Variants in ERGIC3 observed in about 807,000 individuals in gnomAD.
ERGIC3 encodes ERGIC and golgi 3.
Under a neutral mutation model 54.7 loss-of-function variants are expected in ERGIC3, and 33 were observed. That is an observed-to-expected ratio of 0.60 (90% confidence interval 0.46 to 0.81). The LOEUF (loss-of-function observed/expected upper bound fraction) is 0.81. Among genes scored for constraint, ERGIC3 ranks in the 30% least tolerant of loss-of-function variants. The pLI is 0.00. For synonymous variants in ERGIC3, 186 were observed against 189.8 expected (o/e 0.98, Z 0.16); for missense variants, 399 against 488.4 (o/e 0.82, Z 1.73).
intron 7 of ERGIC3, chr20:35,549,691 C>T (rs1323523880): frequency 1.2e-5 from 2 of 161,574 alleles, no homozygotes; most frequent in Admixed American, 6.2e-5. Context: ...GGCTGGAGTG[C>T]AGTGGCATGA....
rs749626853 is a variant in ERGIC3 at position 35,557,409 on chromosome 20, C to G, written c.1073-16C>G. On this transcript the variant is annotated splice_polypyrimidine_tract_variant and intron_variant, in intron 12 of 12. Coordinates refer to ENST00000348547, the MANE Select transcript of ERGIC3 (RefSeq NM_015966.3). ...GGCCCCCACTGGGCCAGTGCCAGCC[C>G]TTGTCTCTCTCCCAGTGGCTGGACT... 1.9e-6 allele frequency: 3 copies of G among 1,613,670 alleles called. No homozygotes were observed. The highest frequency in any genetic ancestry group is 2.7e-5 in the African/African-American group (2 of 75,050).
Position 35,547,422 on chromosome 20 carries a change from A to T in ERGIC3, c.378A>T (p.Lys126Asn). Residue 126 changes from lysine to asparagine, a missense_variant, in exon 5 of 13, where the codon AAA becomes AAT. Coordinates refer to ENST00000348547, the MANE Select transcript of ERGIC3 (RefSeq NM_015966.3). Reference sequence around the variant, plus strand: ...CTCCCCTCCCCTTAGAGCTTGGGAAAGTCGAGGTGACGGTGTTTGACCCTG... The same window carrying T: ...CTCCCCTCCCCTTAGAGCTTGGGAATGTCGAGGTGACGGTGTTTGACCCTG... ...SSEAERHELG[K>N]VEVTVFDPDS... 2 of 1,614,138 alleles carry T rather than the reference A, an allele frequency of 1.2e-6. No individual in the cohort carries two copies. Among genetic ancestry groups the T allele is most frequent in the Non-Finnish European group, 1.7e-6 (2 of 1,179,998 alleles).
In ERGIC3 at chr20:35,547,450, T is replaced by C; in HGVS notation, c.406T>C (p.Ser136Pro). The C allele has an allele frequency of 6.2e-7, 1 of 1,614,136 alleles. No individual in the cohort carries two copies. The highest frequency in any genetic ancestry group is 8.5e-7 in the Non-Finnish European group (1 of 1,180,020). The change falls in exon 5 of 13, where the codon TCC becomes CCC. Residue 136 changes from serine to proline, a missense_variant. Coordinates refer to ENST00000348547, the MANE Select transcript of ERGIC3 (RefSeq NM_015966.3). ...KVEVTVFDPD[S>P]LDPDRCESCY... is the part of the protein sequence containing the mutation. ...CGAGGTGACGGTGTTTGACCCTGAC[T>C]CCCTGGACCCTGATCGCTGTGAGAG...
chr20:35,547,983 C>G (rs1005742551), intron 5 of ERGIC3, among the ~76,000 whole-genome samples: 1 of 152,328 alleles, frequency 6.6e-6, no homozygotes, highest in East Asian at 1.9e-4. Flanking sequence ...AAGACTGATT[C>G]AGCAGGTCTG....
At chr20:35,548,988 A>G in intron 7 of ERGIC3, 123 bp downstream of exon 7, 1 of 1,158,230 alleles carries the variant, frequency 8.6e-7, no homozygotes, top group Non-Finnish European at 1.3e-6. Context: ...GCAGGCCTTC[A>G]TCTCAGGGCA....
chr20:35,553,717 A>C (rs1485915616), intron 7 of ERGIC3, among the ~76,000 whole-genome samples: 1 of 151,994 alleles, frequency 6.6e-6, no homozygotes, highest in African/African-American at 2.4e-5. Flanking sequence ...CCCCCTCTTC[A>C]CTCTGGAGGA....
intron 7 of ERGIC3, among the ~76,000 whole-genome samples, chr20:35,550,444 T>C (rs558039253): frequency 2.0e-5 from 3 of 152,018 alleles, no homozygotes; most frequent in East Asian, 1.9e-4. Flanking sequence ...GGTGAAACCC[T>C]GTCTCTACCA....
At chr20:35,542,255 T>A in intron 1 of ERGIC3, 68 bp from the exon 2 acceptor site, 1 of 1,611,956 alleles carries the variant, frequency 6.2e-7, no homozygotes, top group Non-Finnish European at 8.5e-7. Context: ...TCCTGGACTC[T>A]GACTGGCCTG....
chr20:35,554,714 A>ATGG, intron 7 of ERGIC3: 1 of 588,228 alleles, frequency 1.7e-6, no homozygotes, highest in Non-Finnish European at 3.0e-6. Context: ...ATTTGCCATC[A>ATGG]GCTCTAGTTA....
intron 5 of ERGIC3, 109 bp from the exon 6 acceptor site, chr20:35,548,400 C>T: frequency 1.7e-6 from 2 of 1,177,824 alleles, no homozygotes; most frequent in Non-Finnish European, 2.4e-6. Flanking sequence ...AGGGATGAGG[C>T]TAGCAGAGCC....
rs773930147 is a variant in ERGIC3 at position 35,556,984 on chromosome 20, A to AAATC, written c.893_896dup (p.Phe300SerfsTer8). On this transcript the variant is annotated frameshift_variant, in exon 11 of 13. Coordinates refer to ENST00000348547, the MANE Select transcript of ERGIC3 (RefSeq NM_015966.3). LOFTEE classifies it high-confidence loss of function. ...CCCTCCCACCCCAGGTACTGAGGAC[A>AAATC]AATCAGTTCTCTGTGACCAGACATG... The AAATC allele has an allele frequency of 1.9e-6, 3 of 1,614,182 alleles. No individual in the cohort carries two copies. The highest frequency in any genetic ancestry group is 2.5e-6 in the Non-Finnish European group (3 of 1,180,022).
chr20:35,555,812 CA>C (rs60761936), intron 8 of ERGIC3, among the ~76,000 whole-genome samples: 2,781 of 80,556 alleles, frequency 0.035, 47 homozygotes, highest in African/African-American at 0.083. Flanking sequence ...GACCTTGTCT[CA>C]AAAAAAAAAA....
At chr20:35,553,019 G>GGTTTTTTTTTTTTTTTTTTTT (rs2064689546) in intron 7 of ERGIC3, among the ~76,000 whole-genome samples, 1 of 12,632 alleles carries the variant, frequency 7.9e-5, no homozygotes, top group Non-Finnish European at 2.2e-4. Context: ...CAAAGCTGGG[G>GGTTTTTTTTTTTTTTTTTTTT]ATTTTTTTTT....
chr20:35,546,018 G>A (rs567422346), intron 4 of ERGIC3, among the ~76,000 whole-genome samples: 5 of 152,248 alleles, frequency 3.3e-5, no homozygotes, highest in East Asian at 1.9e-4. Flanking sequence ...AGATTGGGAC[G>A]GATTAGCCAT....
intron 5 of ERGIC3, among the ~76,000 whole-genome samples, chr20:35,548,021 A>T (rs1330098218): frequency 1.3e-5 from 2 of 151,722 alleles, no homozygotes; most frequent in African/African-American, 2.4e-5. Flanking sequence ...GTGTACTTAA[A>T]TTTTTTTTTA....
intron 7 of ERGIC3, chr20:35,554,494 T>C (rs2064700681): frequency 1.6e-6 from 2 of 1,226,184 alleles, no homozygotes; most frequent in African/African-American, 3.0e-5. Flanking sequence ...TCCTCTGACC[T>C]GGCTGCTGGG....
intron 7 of ERGIC3, among the ~76,000 whole-genome samples, chr20:35,554,539 A>G (rs1024701790): frequency 1.3e-5 from 2 of 152,120 alleles, no homozygotes; most frequent in Non-Finnish European, 2.9e-5. Flanking sequence ...TCTTTGAAGT[A>G]TGGTTCCTTG....
intron 4 of ERGIC3, 197 bp downstream of exon 4, chr20:35,543,138 A>G (rs1411676644): frequency 3.3e-6 from 2 of 605,080 alleles, no homozygotes; most frequent in African/African-American, 1.9e-5. Flanking sequence ...GAGTCAGGTA[A>G]TCTACCTGGC....
rs768668514 is a variant in ERGIC3, at chr20:35,542,619, G to A, written c.247+19G>A. 6.2e-7 allele frequency: 1 copy of A among 1,613,708 alleles called. No individual in the cohort carries two copies. Among genetic ancestry groups the A allele is most frequent in the Non-Finnish European group, 8.5e-7 (1 of 1,179,756 alleles). On this transcript the variant is annotated intron_variant, in intron 3 of 12. Coordinates refer to ENST00000348547, the MANE Select transcript of ERGIC3 (RefSeq NM_015966.3). ...TGTGCCTGTGAGTACCTCACCATGG[G>A]TGGGACTGGAGAGACCCAGGGTTCT... is the stretch of plus-strand genomic sequence containing the variant.
Sources: allele counts gnomAD v4.1 joint callset (sites outside exome capture counted in the v4.1 genomes callset), GRCh38; gene constraint gnomAD v4.1.1; transcripts MANE v1.5; gene names NCBI Gene and HGNC (gene_info 2026-07-23, HGNC 2026-07-21).